C14orf132: variants seen among roughly 807,000 people sequenced by gnomAD.
C14orf132 encodes uncharacterized protein C14orf132.
Under a neutral mutation model 5.8 loss-of-function variants are expected in C14orf132, and 6 were observed. The ratio of observed to expected loss-of-function variants is 1.03; its 90% CI spans 0.57 to 2.04. The LOEUF is 2.04. C14orf132 is among the 30% of genes most tolerant of loss of function. The pLI is 0.00. For synonymous variants in C14orf132, 51 were observed against 49.8 expected (o/e 1.02, Z -0.10); for missense variants, 125 against 115.8 (o/e 1.08, Z -0.37).
intron 1 of C14orf132, among the ~76,000 whole-genome samples, chr14:96,070,933 C>A (rs1887690755): frequency 6.6e-6 from 1 of 152,092 alleles, no homozygotes; most frequent in Non-Finnish European, 1.5e-5. Flanking sequence ...TAAAGGTCAT[C>A]GATCATTGTA....
In C14orf132 at chr14:96,052,764, T is replaced by C. The variant is rs547803085; in HGVS notation, c.27+13237T>C. 1.6e-3 allele frequency among the ~76,000 whole-genome samples: 244 copies of C among 149,544 alleles called. 1 individual carries two copies. The highest frequency in any genetic ancestry group is 3.0e-3 in the Non-Finnish European group (203 of 67,526). ...GCCCCTCTCTTGTCCCCCTGCAAAC[T>C]GTCTGCTGCATGCTGGGCCCAGCAG... On this transcript the variant is annotated intron_variant, in intron 1 of 1. Coordinates refer to ENST00000555004, the MANE Select transcript of C14orf132 (RefSeq NM_001252507.3).
At chr14:96,084,492 G>T (rs1048135707) in intron 1 of C14orf132, among the ~76,000 whole-genome samples, 1 of 152,124 alleles carries the variant, frequency 6.6e-6, no homozygotes, top group Non-Finnish European at 1.5e-5. Context: ...CATTAGGCTG[G>T]CATGTGTCTG....
At chr14:96,048,039 T>C (rs1396181859) in intron 1 of C14orf132, among the ~76,000 whole-genome samples, 1 of 152,030 alleles carries the variant, frequency 6.6e-6, no homozygotes, top group Admixed American at 6.5e-5. Flanking sequence ...AATACAAAAA[T>C]TAGCTGGGTG....
In C14orf132 at chr14:96,090,653, A is replaced by G. The variant is rs761605868; in HGVS notation, c.*3918A>G. 4.4e-6 allele frequency: 2 copies of G among 456,048 alleles called. No homozygotes were observed. The highest frequency in any genetic ancestry group is 3.1e-5 in the South Asian group (2 of 64,568). 28.3% of individuals were successfully genotyped at this position (456,048 alleles called of 1,614,324 possible). On this transcript the variant is annotated 3_prime_UTR_variant, in exon 2 of 2. Transcript: ENST00000555004. The stretch of plus-strand genomic sequence containing the variant: ...CCCTGCTCCACTCTACCCCCCAGAG[A>G]GAAATGATTCTCGCTCCTTTCAGAT...
At chr14:96,043,979 G>A (rs1595165452) in intron 1 of C14orf132, among the ~76,000 whole-genome samples, 1 of 152,180 alleles carries the variant, frequency 6.6e-6, no homozygotes. Context: ...GGGAGATTTG[G>A]AATGAATAGC....
In C14orf132 at chr14:96,086,576, G is replaced by C; in HGVS notation, c.93G>C (p.Leu31=). 1 of 1,536,148 alleles carries C rather than the reference G, an allele frequency of 6.5e-7. No individual in the cohort carries two copies. Residue 31 remains leucine, a synonymous_variant, in exon 2 of 2, where the codon CTG becomes CTC. Transcript: ENST00000555004. ...PNEDFSTEYS[L]FNSSANVHAA... ...AGGACTTCAGCACCGAGTACTCCCT[G>C]TTTAACTCCTCTGCCAATGTCCACG...
At chr14:96,052,221 ACTC>A (rs1327676880) in intron 1 of C14orf132, among the ~76,000 whole-genome samples, 1 of 151,748 alleles carries the variant, frequency 6.6e-6, no homozygotes, top group Non-Finnish European at 1.5e-5. Context: ...CTATGTCACA[ACTC>A]CTTCCAGCCT....
At chr14:96,049,561 CGT>C (rs1886947443) in intron 1 of C14orf132, among the ~76,000 whole-genome samples, 2 of 96,494 alleles carry the variant, frequency 2.1e-5, no homozygotes, top group Non-Finnish European at 4.7e-5. Context: ...TACATATATA[CGT>C]ATATATACAT....
chr14:96,086,707 T>A lies in C14orf132; in HGVS notation c.224T>A (p.Val75Glu). ...GCTACGCTGGGGAACATCGTGGTGG[T>A]GGGCGTGGTGTATGCCTTCACCTTC... Reference protein sequence around the residue: ...IIATLGNIVVVGVVYAFTF With the variant: ...IIATLGNIVVEGVVYAFTF The change falls in exon 2 of 2, where the codon GTG (valine) becomes GAG (glutamate). Residue 75 changes from valine to glutamate, a missense_variant. Physicochemically the swap from Val to Glu is moderately radical, Grantham distance 121 (BLOSUM62 -2). Transcript: ENST00000555004. The A allele has an allele frequency of 6.5e-7, 1 of 1,536,158 alleles. No homozygotes were observed. Among genetic ancestry groups the A allele is most frequent in the Non-Finnish European group, 8.7e-7 (1 of 1,146,910 alleles).
intron 1 of C14orf132, among the ~76,000 whole-genome samples, chr14:96,044,600 TG>T (rs1410359227): frequency 6.6e-6 from 1 of 152,138 alleles, no homozygotes; most frequent in Non-Finnish European, 1.5e-5. Flanking sequence ...TTCTGGAGGC[TG>T]GAAGTCCACA....
intron 1 of C14orf132, among the ~76,000 whole-genome samples, chr14:96,056,521 G>A (rs897068036): frequency 1.3e-5 from 2 of 152,188 alleles, no homozygotes; most frequent in Non-Finnish European, 1.5e-5. Flanking sequence ...TTTGAAACCA[G>A]CTGGGTGACT....
chr14:96,047,359 C>A (rs1595167529), intron 1 of C14orf132, among the ~76,000 whole-genome samples: 1 of 152,308 alleles, frequency 6.6e-6, no homozygotes, highest in East Asian at 1.9e-4. Context: ...AGGTGGATGG[C>A]CAGTCTCCAA....
At chr14:96,072,244 G>A (rs1326582865) in intron 1 of C14orf132, among the ~76,000 whole-genome samples, 1 of 152,176 alleles carries the variant, frequency 6.6e-6, no homozygotes, top group African/African-American at 2.4e-5. Flanking sequence ...ACTGAGTCTC[G>A]ATTTGCCAAG....
rs952742868 is a variant in C14orf132, at chr14:96,051,623, C to G, written c.27+12096C>G. ...AGGGGGGCTGACTAATGTGCTCTCC[C>G]AGGCACCCTGAAACCGTCTCTCTGC... On this transcript the variant is annotated intron_variant, in intron 1 of 1. Transcript: ENST00000555004. Among the ~76,000 whole-genome samples, 3 of 152,324 alleles carry G rather than the reference C, an allele frequency of 2.0e-5. No individual in the cohort carries two copies. In the East Asian group the frequency reaches 5.8e-4, roughly 29 times the overall value.
At chr14:96,069,142 A>T in intron 1 of C14orf132, among the ~76,000 whole-genome samples, 1 of 143,328 alleles carries the variant, frequency 7.0e-6, no homozygotes, top group Non-Finnish European at 1.5e-5. Context: ...TAATTGTGTA[A>T]GCCACTTCCT....
At chr14:96,086,073 G>C (rs1037867277) in intron 1 of C14orf132, among the ~76,000 whole-genome samples, 1 of 152,090 alleles carries the variant, frequency 6.6e-6, no homozygotes, top group African/African-American at 2.4e-5. Flanking sequence ...TATGTGGTGG[G>C]ATCATGATTC....
chr14:96,078,811 C>T (rs945297411), intron 1 of C14orf132, among the ~76,000 whole-genome samples: 9 of 152,206 alleles, frequency 5.9e-5, no homozygotes, highest in African/African-American at 1.7e-4. Context: ...CTCAGGAGGC[C>T]GCTGTGCCAT....
At chr14:96,064,406 GTA>G (rs1464913625) in intron 1 of C14orf132, among the ~76,000 whole-genome samples, 19 of 118,382 alleles carry the variant, frequency 1.6e-4, no homozygotes, top group Admixed American at 1.4e-3. Flanking sequence ...ATACATATAT[GTA>G]TATATATACA....
chr14:96,045,159 C>T (rs1025261039), intron 1 of C14orf132, among the ~76,000 whole-genome samples: 4 of 152,190 alleles, frequency 2.6e-5, no homozygotes, highest in African/African-American at 9.7e-5. Flanking sequence ...GTGCCAGGCC[C>T]TCCCTACATG....
Sources: gnomAD v4.1 joint callset for allele counts (sites outside exome capture counted in the v4.1 genomes callset) on GRCh38, gnomAD v4.1.1 for gene constraint, MANE v1.5 for transcripts, NCBI Gene and HGNC (gene_info 2026-07-23, HGNC 2026-07-21) for gene names.